The following LIPA variants were observed in gnomAD, a reference collection of about 807,000 sequenced individuals.
LIPA encodes lipase A, lysosomal acid type, also known as lysosomal acid lipase/cholesteryl ester hydrolase.
A neutral mutation model predicts 40.6 loss-of-function variants in LIPA; 26 were observed. That is an observed-to-expected ratio of 0.64 (90% CI 0.47 to 0.89). The LOEUF (loss-of-function observed/expected upper bound fraction) is 0.89. LIPA is among the 40% of genes least tolerant of loss of function. The probability of loss-of-function intolerance (pLI) is 0.00; values close to 1 mark genes in which losing one functional copy is unlikely to be tolerated. For missense variants in LIPA, 455 were observed against 479.6 expected (o/e 0.95, Z 0.48); for synonymous variants, 188 against 168.4 (o/e 1.12, Z -0.90).
chr10:89,384,060 A>G, intron 2 of LIPA: 1 of 1,614,232 alleles, frequency 6.2e-7, no homozygotes, highest in South Asian at 1.1e-5. Flanking sequence ...GTATATCTTC[A>G]CAGGCCTATG....
intron 1 of LIPA, among the ~76,000 whole-genome samples, chr10:89,272,623 T>C (rs1455826184): frequency 6.6e-6 from 1 of 152,204 alleles, no homozygotes; most frequent in African/African-American, 2.4e-5. Flanking sequence ...GTAATGGGAT[T>C]GTTGGGTTGA....
intron 5 of LIPA, among the ~76,000 whole-genome samples, chr10:89,225,821 G>C (rs1842762446): frequency 6.6e-6 from 1 of 152,112 alleles, no homozygotes; most frequent in African/African-American, 2.4e-5. Flanking sequence ...CCCCCATACT[G>C]TTCTTGTGGT....
intron 2 of LIPA, among the ~76,000 whole-genome samples, chr10:89,247,145 C>G (rs1843034805): frequency 6.6e-6 from 1 of 151,788 alleles, no homozygotes; most frequent in African/African-American, 2.4e-5. Context: ...CTGAGGTGGA[C>G]AGATCACCTG....
At chr10:89,307,284 A>G (rs1475574366) in intron 1 of LIPA, 2 of 1,614,034 alleles carry the variant, frequency 1.2e-6, no homozygotes, top group Admixed American at 3.3e-5. Context: ...CAGGAGCTGA[A>G]TGAAAAAATG....
chr10:89,309,074 C>T (rs1166478783), intron 1 of LIPA: 2 of 152,178 alleles, frequency 1.3e-5, no homozygotes, highest in Admixed American at 6.6e-5. Flanking sequence ...AAAACTTTTT[C>T]CTCAGCTTTA....
At chr10:89,333,349 G>A (rs753680531) in intron 1 of LIPA, among the ~76,000 whole-genome samples, 1 of 152,158 alleles carries the variant, frequency 6.6e-6, no homozygotes, top group Non-Finnish European at 1.5e-5. Flanking sequence ...ATAAGGTCCA[G>A]AAACAAACAT....
At chr10:89,373,349 A>AG (rs913680352) in intron 2 of LIPA, among the ~76,000 whole-genome samples, 2 of 151,008 alleles carry the variant, frequency 1.3e-5, no homozygotes, top group Admixed American at 6.6e-5. Context: ...AAAAAAAAAA[A>AG]AAAAAAAAAC....
upstream of LIPA, among the ~76,000 whole-genome samples, chr10:89,347,543 C>A (rs1843931032): frequency 1.3e-5 from 2 of 152,204 alleles, no homozygotes; most frequent in African/African-American, 4.8e-5. Context: ...CATGCTAACT[C>A]TGCATGGTCC....
chr10:89,345,480 G>A (rs1843912163), upstream of LIPA, among the ~76,000 whole-genome samples: 1 of 151,848 alleles, frequency 6.6e-6, no homozygotes, highest in Admixed American at 6.6e-5. Flanking sequence ...AGTGAGCTGA[G>A]ATCATGCCAC....
In LIPA at chr10:89,334,478, C is replaced by CTTTTTTTTTTTTTTTTTTTTTTTTT. The variant is rs578154457; in HGVS notation, c.-2+8108_-2+8132dup. Among the ~76,000 whole-genome samples the CTTTTTTTTTTTTTTTTTTTTTTTTT allele has an allele frequency of 3.9e-4, 10 of 25,336 alleles. 1 individual carries two copies. The highest frequency in any genetic ancestry group is 5.5e-4 in the Non-Finnish European group (8 of 14,416). The allele number at this position is 25,336 out of a possible 152,430, so 16.6% of individuals were successfully genotyped here. ...TGTTTTTTCTTCTTTTTCTTTTATT[C>CTTTTTTTTTTTTTTTTTTTTTTTTT]TTTTTTTTTTTTTTTTTTTTTTTTT... On this transcript the variant is annotated intron_variant, in intron 1 of 5. Transcript: ENST00000282673.
At chr10:89,392,626 T>C in intron 2 of LIPA, 8 of 1,464,140 alleles carry the variant, frequency 5.5e-6, no homozygotes, top group South Asian at 1.1e-5. Context: ...TAAACGTAAC[T>C]GAAAATCCAC....
chr10:89,344,383 G>A (rs1046523722), upstream of LIPA, among the ~76,000 whole-genome samples: 1 of 152,074 alleles, frequency 6.6e-6, no homozygotes, highest in African/African-American at 2.4e-5. Flanking sequence ...CAAAGTCTGG[G>A]GCCTGCACGT....
intron 6 of LIPA, 83 bp from the exon 7 acceptor site, chr10:89,223,913 A>G (rs1842734509): frequency 2.1e-6 from 3 of 1,402,392 alleles, no homozygotes; most frequent in Non-Finnish European, 3.0e-6. Flanking sequence ...AGAAGCAGAG[A>G]CAAGTACCCA....
intron 1 of LIPA, among the ~76,000 whole-genome samples, chr10:89,276,132 A>G (rs1354426601): frequency 1.3e-5 from 2 of 152,232 alleles, no homozygotes; most frequent in Admixed American, 6.5e-5. Context: ...CTTAATGCAC[A>G]TTAAGAAGAC....
At chr10:89,337,936 A>G (rs923518452) in intron 1 of LIPA, among the ~76,000 whole-genome samples, 1 of 152,228 alleles carries the variant, frequency 6.6e-6, no homozygotes, top group Admixed American at 6.5e-5. Context: ...CTTAAAATAC[A>G]GTATTCAATA....
intron 3 of LIPA, among the ~76,000 whole-genome samples, chr10:89,231,120 A>G (rs1479847321): frequency 6.6e-6 from 1 of 152,242 alleles, no homozygotes; most frequent in Non-Finnish European, 1.5e-5. Flanking sequence ...AAAAAAAGCA[A>G]AATACAAAAT....
chr10:89,324,825 A>G (rs1052361729), intron 1 of LIPA, among the ~76,000 whole-genome samples: 9 of 152,186 alleles, frequency 5.9e-5, no homozygotes, highest in Non-Finnish European at 1.2e-4. Context: ...GATGGTTTCC[A>G]GCTTCATCCA....
At chr10:89,289,440 TGGCAAATTGAC>T (rs1357515473) in intron 1 of LIPA, among the ~76,000 whole-genome samples, 1 of 152,194 alleles carries the variant, frequency 6.6e-6, no homozygotes, top group Non-Finnish European at 1.5e-5. Context: ...TTCCCAGGAC[TGGCAAATTGAC>T]TTTACTCACA....
intron 1 of LIPA, among the ~76,000 whole-genome samples, chr10:89,313,926 T>C (rs575302423): frequency 6.6e-6 from 1 of 152,222 alleles, no homozygotes; most frequent in Non-Finnish European, 1.5e-5. Context: ...GAATGTTCTA[T>C]AATTGATTGT....
Sources: allele counts gnomAD v4.1 joint callset (sites outside exome capture counted in the v4.1 genomes callset), GRCh38; gene constraint gnomAD v4.1.1; transcripts MANE v1.5; gene names NCBI Gene and HGNC (gene_info 2026-07-23, HGNC 2026-07-21).